UBR3: variants seen among roughly 807,000 people sequenced by gnomAD.
UBR3 encodes ubiquitin protein ligase E3 component n-recognin 3.
UBR3 carries 85 observed loss-of-function variants against 243.2 expected under a neutral mutation model. The ratio of observed to expected loss-of-function variants is 0.35; its 90% CI spans 0.29 to 0.42. The LOEUF (loss-of-function observed/expected upper bound fraction) is 0.42. Ranked by LOEUF, UBR3 falls within the 10% of genes least tolerant of loss-of-function variation. The pLI is 1.00. For missense variants in UBR3, 1,686 were observed against 2,300.8 expected (o/e 0.73, Z 5.47); for synonymous variants, 748 against 799.8 (o/e 0.94, Z 1.09).
At chr2:170,003,574 A>G (rs1264866593) in intron 27 of UBR3, among the ~76,000 whole-genome samples, 1 of 152,130 alleles carries the variant, frequency 6.6e-6, no homozygotes, top group Non-Finnish European at 1.5e-5. Context: ...TGAGTTTACT[A>G]TGTATTACGT....
intron 1 of UBR3, among the ~76,000 whole-genome samples, chr2:169,842,036 C>T (rs1037672073): frequency 8.5e-5 from 13 of 152,334 alleles, no homozygotes; most frequent in African/African-American, 3.1e-4. Context: ...ATATCTAGCT[C>T]AGGGATTGTA....
chr2:169,970,119 C>T (rs192385540), intron 24 of UBR3, among the ~76,000 whole-genome samples: 49 of 151,698 alleles, frequency 3.2e-4, no homozygotes, highest in Non-Finnish European at 5.0e-4. Context: ...AGTATTCTTC[C>T]AATCCATGAC....
intron 31 of UBR3, among the ~76,000 whole-genome samples, chr2:170,035,911 G>GCA (rs373852944): frequency 5.4e-5 from 1 of 18,498 alleles, no homozygotes; most frequent in Non-Finnish European, 9.4e-5. Flanking sequence ...GTATTTTATT[G>GCA]GGGGGGGGGT....
chr2:169,900,428 C>T (rs1003044515), intron 8 of UBR3, among the ~76,000 whole-genome samples: 1 of 152,156 alleles, frequency 6.6e-6, no homozygotes, highest in African/African-American at 2.4e-5. Flanking sequence ...AAAATGTTCT[C>T]CCATTCTGTA....
chr2:169,827,724 G>A lies in UBR3; in HGVS notation c.217G>A (p.Asp73Asn). ...GCTGGCCGCGGCTGCCGGCGGCGAG[G>A]ACGCGGCGGCGGCCGGAGGCGGGGG... ...RPLAAAAGGE[D>N]AAAAGGGGGP... Residue 73 changes from aspartate (D) to asparagine (N), a missense_variant, in exon 1 of 39, where the codon GAC becomes AAC. Physicochemically the swap from Asp to Asn is conservative, Grantham distance 23 (BLOSUM62 1). Coordinates refer to ENST00000272793, the MANE Select transcript of UBR3 (RefSeq NM_172070.4). The A allele has an allele frequency of 1.6e-6, 2 of 1,234,198 alleles. No individual in the cohort carries two copies. Among genetic ancestry groups the A allele is most frequent in the Non-Finnish European group, 2.0e-6 (2 of 991,794 alleles). 76.5% of individuals were successfully genotyped at this position (1,234,198 alleles called of 1,614,324 possible). A position where few individuals can be genotyped will look rare whatever the true frequency, so the allele number is the denominator to read the frequency against.
chr2:169,925,887 G>A (rs560247179), intron 14 of UBR3, 140 bp downstream of exon 14: 2 of 847,394 alleles, frequency 2.4e-6, no homozygotes, highest in South Asian at 5.5e-5. Context: ...ACATTTCCCA[G>A]GAGAAGAGGC....
Position 169,890,544 on chromosome 2 carries a change from T to TATATATATATATATAC in UBR3, c.1039-606_1039-605insCATATATATATATATA, listed in dbSNP as rs2084302370. On this transcript the variant is annotated intron_variant, in intron 5 of 38. Transcript: ENST00000272793. ...TTTCTAGGAGAGAGAGAGAGAGATA[T>TATATATATATATATAC]ATATATATATATATATATATGTGTA... Among the ~76,000 whole-genome samples, 7 of 56,084 alleles carry TATATATATATATATAC rather than the reference T, an allele frequency of 1.2e-4. No homozygotes were observed. In the Middle Eastern group the frequency reaches 0.027, roughly 219 times the overall value. 36.8% of individuals were successfully genotyped at this position (56,084 alleles called of 152,430 possible).
intron 25 of UBR3, among the ~76,000 whole-genome samples, chr2:169,993,733 C>A (rs2089378656): frequency 6.6e-6 from 1 of 152,178 alleles, no homozygotes; most frequent in African/African-American, 2.4e-5. Context: ...AGACTCTACT[C>A]ACCCTTTTAC....
At chr2:169,836,868 A>G (rs573485568) in intron 1 of UBR3, among the ~76,000 whole-genome samples, 1 of 152,060 alleles carries the variant, frequency 6.6e-6, no homozygotes, top group Non-Finnish European at 1.5e-5. Context: ...TGCTGTACAT[A>G]CTCTAGATGC....
intron 24 of UBR3, among the ~76,000 whole-genome samples, chr2:169,973,429 T>C (rs1376763955): frequency 6.6e-6 from 1 of 150,714 alleles, no homozygotes; most frequent in Non-Finnish European, 1.5e-5. Flanking sequence ...AAAGTTCATA[T>C]GGAACCAAAA....
intron 30 of UBR3, among the ~76,000 whole-genome samples, chr2:170,027,439 A>G (rs2090559477): frequency 6.6e-6 from 1 of 151,678 alleles, no homozygotes; most frequent in African/African-American, 2.4e-5. Context: ...TAACATTTTG[A>G]AAGTCTTAAA....
At chr2:170,006,037 A>T (rs1193370801) in intron 27 of UBR3, among the ~76,000 whole-genome samples, 3 of 152,140 alleles carry the variant, frequency 2.0e-5, no homozygotes, top group African/African-American at 7.2e-5. Flanking sequence ...AGCTTCAGTT[A>T]CAGCAAAAAA....
At chr2:169,997,690 G>A (rs1456135849) in intron 26 of UBR3, among the ~76,000 whole-genome samples, 1 of 152,056 alleles carries the variant, frequency 6.6e-6, no homozygotes, top group Admixed American at 6.6e-5. Context: ...GAGTGAGCAA[G>A]GCAGAGAAGA....
At chr2:169,956,997 A>G (rs1287118702) in intron 23 of UBR3, among the ~76,000 whole-genome samples, 1 of 152,204 alleles carries the variant, frequency 6.6e-6, no homozygotes, top group East Asian at 1.9e-4. Context: ...TGGGTATGAC[A>G]CAAAGGACAT....
At chr2:169,857,585 GT>G (rs55952322) in intron 1 of UBR3, among the ~76,000 whole-genome samples, 60,199 of 143,188 alleles carry the variant, frequency 0.42, 13,744 homozygotes, top group Non-Finnish European at 0.54. Context: ...TCTGACTAAT[GT>G]TTTTTTTTTT....
chr2:169,854,257 T>C (rs773603479), intron 1 of UBR3, among the ~76,000 whole-genome samples: 3 of 152,222 alleles, frequency 2.0e-5, no homozygotes, highest in Non-Finnish European at 4.4e-5. Context: ...GAAATATACA[T>C]TGGCAAATAG....
intron 27 of UBR3, among the ~76,000 whole-genome samples, chr2:170,006,056 A>G (rs1199633944): frequency 6.6e-6 from 1 of 152,146 alleles, no homozygotes; most frequent in Non-Finnish European, 1.5e-5. Flanking sequence ...AAGAGTATCT[A>G]GCATTCTTTG....
intron 1 of UBR3, among the ~76,000 whole-genome samples, chr2:169,841,563 T>C (rs1199629673): frequency 6.6e-6 from 1 of 152,166 alleles, no homozygotes; most frequent in African/African-American, 2.4e-5. Flanking sequence ...TGGGGCTGCG[T>C]GCGGCGCTTG....
chr2:170,077,894 A>G (rs866337303), intron 36 of UBR3: 17 of 443,476 alleles, frequency 3.8e-5, no homozygotes, highest in Middle Eastern at 7.6e-4. Context: ...CTCTGTTCAA[A>G]TAACTCTTAA....
Sources: gnomAD v4.1 joint callset for allele counts (sites outside exome capture counted in the v4.1 genomes callset) on GRCh38, gnomAD v4.1.1 for gene constraint, MANE v1.5 for transcripts, NCBI Gene and HGNC (gene_info 2026-07-23, HGNC 2026-07-21) for gene names.